Variants in WDR44 observed in about 807,000 individuals in gnomAD.
WDR44 encodes the protein WD repeat-containing protein 44.
A neutral mutation model predicts 65.7 loss-of-function variants in WDR44; 9 were observed. That is an observed-to-expected ratio of 0.14 (90% CI 0.08 to 0.24). The LOEUF is 0.24. Among genes scored for constraint, WDR44 ranks in the 10% least tolerant of loss-of-function variants. The pLI is 1.00. For missense variants in WDR44, 425 were observed against 670.9 expected (o/e 0.63, Z 4.05); for synonymous variants, 220 against 235.2 (o/e 0.94, Z 0.59).
At chrX:118,443,749 A>G in intron 18 of WDR44, 62 bp downstream of exon 18, 4 of 1,100,851 alleles carry the variant, frequency 3.6e-6, no homozygotes, top group Non-Finnish European at 3.6e-6. Flanking sequence ...GATATATACT[A>G]GAAGTAAATT....
At position 118,404,374 on chromosome X, in the gene WDR44, G is replaced by A. The variant is rs769464358; in HGVS notation, c.1311G>A (p.Lys437=). ...QLKKFLGKSV[K]RAKHLAEEYG... ...AGAAGTTTCTTGGAAAATCAGTAAAGAGAGCAAAGCACCTTGCTGAGGAAT... is the reference window on the plus strand; with the variant it reads ...AGAAGTTTCTTGGAAAATCAGTAAAAAGAGCAAAGCACCTTGCTGAGGAAT... Residue 437 remains lysine, a synonymous_variant, in exon 9 of 20, where the codon AAG becomes AAA. Coordinates refer to ENST00000254029, the MANE Select transcript of WDR44 (RefSeq NM_019045.5). 1.7e-6 allele frequency: 2 copies of A among 1,206,247 alleles called. No individual in the cohort carries two copies. The highest frequency in any genetic ancestry group is 2.2e-6 in the Non-Finnish European group (2 of 893,810).
chrX:118,402,435 C>CAAA (rs758497932), intron 8 of WDR44, among the ~76,000 whole-genome samples: 6 of 14,413 alleles, frequency 4.2e-4, no homozygotes, highest in African/African-American at 8.7e-4. Flanking sequence ...AACTCTGTCT[C>CAAA]AAAAAAAAAA....
intron 11 of WDR44, among the ~76,000 whole-genome samples, chrX:118,410,250 G>A (rs903311450): frequency 8.1e-5 from 9 of 111,305 alleles, no homozygotes; most frequent in Admixed American, 2.9e-4. Flanking sequence ...GGCTGCAAAC[G>A]AGAAGTAAAG....
chrX:118,421,247 A>T (rs1028916189), intron 12 of WDR44, among the ~76,000 whole-genome samples: 1 of 112,308 alleles, frequency 8.9e-6, no homozygotes, highest in East Asian at 2.8e-4. Flanking sequence ...TATCTGTAGT[A>T]TCTTTTATTG....
intron 9 of WDR44, among the ~76,000 whole-genome samples, chrX:118,405,815 C>T (rs1241362709): frequency 1.8e-5 from 2 of 111,439 alleles, no homozygotes; most frequent in East Asian, 5.6e-4. Flanking sequence ...ATTTACACTG[C>T]AGTAGATATT....
intron 14 of WDR44, among the ~76,000 whole-genome samples, chrX:118,439,083 G>A (rs967694202): frequency 2.8e-5 from 3 of 108,839 alleles, no homozygotes; most frequent in Non-Finnish European, 5.7e-5. Flanking sequence ...ACTGCGCCTG[G>A]CCCAGCCAAT....
intron 1 of WDR44, among the ~76,000 whole-genome samples, chrX:118,362,212 AT>A (rs2147668000): frequency 8.9e-6 from 1 of 112,556 alleles, no homozygotes; most frequent in Middle Eastern, 4.6e-3. Context: ...TAGAAATAAT[AT>A]AACGAATATT....
intron 1 of WDR44, among the ~76,000 whole-genome samples, chrX:118,376,618 A>C (rs2147684438): frequency 8.9e-6 from 1 of 111,992 alleles, no homozygotes; most frequent in East Asian, 2.8e-4. Flanking sequence ...ATAACTAAGT[A>C]GCCTTATGCT....
intron 10 of WDR44, among the ~76,000 whole-genome samples, chrX:118,409,042 G>A (rs1377509931): frequency 1.8e-5 from 2 of 112,327 alleles, no homozygotes; most frequent in Admixed American, 9.5e-5. Context: ...TTGGACTTAA[G>A]TAGTGTTAGC....
chrX:118,383,620 A>C (rs2056738344), intron 2 of WDR44, among the ~76,000 whole-genome samples: 3 of 110,778 alleles, frequency 2.7e-5, no homozygotes, highest in Admixed American at 1.9e-4. Flanking sequence ...TCTAATATGC[A>C]TTAACTGTTA....
chrX:118,448,245 AT>A (rs2057364753), intron 19 of WDR44, among the ~76,000 whole-genome samples: 1 of 111,653 alleles, frequency 9.0e-6, no homozygotes, highest in Non-Finnish European at 1.9e-5. Context: ...TCAAATTAAA[AT>A]CTCAGTTTTC....
intron 3 of WDR44, 71 bp from the exon 4 acceptor site, chrX:118,392,560 TA>T: frequency 1.1e-6 from 1 of 903,571 alleles, no homozygotes; most frequent in Non-Finnish European, 1.6e-6. Flanking sequence ...AAGTACTATG[TA>T]AATGATTAGC....
chrX:118,349,288 G>C (rs2056381823), intron 1 of WDR44, among the ~76,000 whole-genome samples: 1 of 102,918 alleles, frequency 9.7e-6, no homozygotes, highest in African/African-American at 3.6e-5. Context: ...TCACTCTGTT[G>C]CCCAGGCTGG....
At chrX:118,393,478 G>C (rs1209005686) in intron 4 of WDR44, among the ~76,000 whole-genome samples, 1 of 110,739 alleles carries the variant, frequency 9.0e-6, no homozygotes, top group Non-Finnish European at 1.9e-5. Context: ...TGTAGTCCCA[G>C]CTACTTGGGA....
At chrX:118,391,082 T>C (rs1410056460) in intron 3 of WDR44, among the ~76,000 whole-genome samples, 2 of 112,451 alleles carry the variant, frequency 1.8e-5, no homozygotes, top group Non-Finnish European at 3.8e-5. Flanking sequence ...TTCTTTCCTT[T>C]CTTTTCCAGA....
chrX:118,447,023 G>A (rs1353333620), intron 19 of WDR44: 9 of 313,124 alleles, frequency 2.9e-5, no homozygotes, highest in Non-Finnish European at 5.5e-5. Context: ...GTACTACCAT[G>A]CCTGGCTAAT....
intron 12 of WDR44, among the ~76,000 whole-genome samples, chrX:118,421,290 C>G (rs1050865212): frequency 3.5e-4 from 39 of 112,199 alleles, no homozygotes; most frequent in African/African-American, 1.3e-3. Flanking sequence ...TATAGATCCT[C>G]AGCTACATCC....
At chrX:118,359,721 T>C (rs996540299) in intron 1 of WDR44, among the ~76,000 whole-genome samples, 6 of 112,416 alleles carry the variant, frequency 5.3e-5, no homozygotes, top group Non-Finnish European at 9.4e-5. Flanking sequence ...TCTATTAATA[T>C]CATTGATAAA....
chrX:118,360,069 C>T (rs2056497937), intron 1 of WDR44, among the ~76,000 whole-genome samples: 1 of 111,858 alleles, frequency 8.9e-6, no homozygotes. Flanking sequence ...GGTATTATCA[C>T]TTTTGGTAGT....
Sources: allele counts gnomAD v4.1 joint callset (sites outside exome capture counted in the v4.1 genomes callset), GRCh38; gene constraint gnomAD v4.1.1; transcripts MANE v1.5; gene names NCBI Gene and HGNC (gene_info 2026-07-23, HGNC 2026-07-21).